The following YTHDC2 variants were observed in gnomAD, a reference collection of about 807,000 sequenced individuals.
The protein encoded by YTHDC2 is YTH N6-methyladenosine RNA binding protein C2, also known as 3'-5' RNA helicase YTHDC2.
A neutral mutation model predicts 174.9 loss-of-function variants in YTHDC2; 45 were observed. The ratio of observed to expected loss-of-function variants is 0.26; its 90% CI spans 0.20 to 0.33. YTHDC2 has a LOEUF of 0.33. Among genes scored for constraint, YTHDC2 ranks in the 10% least tolerant of loss-of-function variants. The probability of loss-of-function intolerance (pLI) is 1.00; values close to 1 mark genes in which losing one functional copy is unlikely to be tolerated. For missense variants in YTHDC2, 1,650 were observed against 1,723.7 expected, an observed-to-expected ratio of 0.96 and a Z score of 0.76; for synonymous variants, 657 against 574.5, an observed-to-expected ratio of 1.14 and a Z score of -2.05.
intron 10 of YTHDC2, among the ~76,000 whole-genome samples, chr5:113,543,545 T>C (rs1775630155): frequency 6.6e-6 from 1 of 152,216 alleles, no homozygotes; most frequent in Non-Finnish European, 1.5e-5. Context: ...CCGTTAACCA[T>C]TTCTGTTTTT....
intron 10 of YTHDC2, among the ~76,000 whole-genome samples, chr5:113,543,400 C>G (rs1026267335): frequency 6.6e-6 from 1 of 152,178 alleles, no homozygotes; most frequent in Non-Finnish European, 1.5e-5. Context: ...TTAGCAAATC[C>G]TATTTACTTT....
chr5:113,539,217 A>T (rs1278847697), intron 8 of YTHDC2, 36 bp downstream of exon 8: 16 of 927,226 alleles, frequency 1.7e-5, no homozygotes, highest in Non-Finnish European at 6.2e-6. Flanking sequence ...AAAAGAAATT[A>T]CTATTGATAA....
intron 2 of YTHDC2, among the ~76,000 whole-genome samples, chr5:113,516,993 A>G (rs1305723133): frequency 6.6e-6 from 1 of 152,206 alleles, no homozygotes; most frequent in Non-Finnish European, 1.5e-5. Context: ...TGCACCTGAA[A>G]ATAAAAATAT....
At chr5:113,552,240 T>G (rs989210886) in intron 12 of YTHDC2, among the ~76,000 whole-genome samples, 24 of 152,122 alleles carry the variant, frequency 1.6e-4, no homozygotes, top group African/African-American at 5.3e-4. Flanking sequence ...GTTTTTCATA[T>G]GTTCACAGAC....
chr5:113,546,265 A>G (rs1359608171), intron 10 of YTHDC2, among the ~76,000 whole-genome samples: 3 of 152,108 alleles, frequency 2.0e-5, no homozygotes, highest in African/African-American at 7.2e-5. Flanking sequence ...TTTCTTCCTG[A>G]TATTTCTTTA....
chr5:113,534,153 A>C (rs1774886836), intron 5 of YTHDC2, 152 bp from the exon 6 acceptor site: 2 of 496,462 alleles, frequency 4.0e-6, no homozygotes, highest in South Asian at 4.7e-5. Flanking sequence ...CATAACTGCA[A>C]AACCTCATAG....
intron 4 of YTHDC2, among the ~76,000 whole-genome samples, chr5:113,532,363 T>G (rs1774733392): frequency 6.6e-6 from 1 of 152,202 alleles, no homozygotes; most frequent in Non-Finnish European, 1.5e-5. Context: ...AGGTAAGATT[T>G]TGATTTTAAA....
At chr5:113,520,695 T>G (rs182323960) in intron 2 of YTHDC2, among the ~76,000 whole-genome samples, 4 of 152,338 alleles carry the variant, frequency 2.6e-5, no homozygotes, top group African/African-American at 9.6e-5. Flanking sequence ...CCAATGGTTC[T>G]TTCTTATACA....
intron 18 of YTHDC2, among the ~76,000 whole-genome samples, chr5:113,561,953 TGTGG>T (rs879387972): frequency 3.0e-5 from 4 of 132,732 alleles, no homozygotes; most frequent in East Asian, 2.2e-4. Flanking sequence ...CTCTATTAAT[TGTGG>T]GTGTGTGTGT....
chr5:113,558,839 T>C (rs1198949691), intron 17 of YTHDC2, among the ~76,000 whole-genome samples: 13 of 151,330 alleles, frequency 8.6e-5, no homozygotes. Flanking sequence ...GGAGAATCGC[T>C]TGAACCTGGG....
At chr5:113,574,957 C>G (rs1777951037) in intron 23 of YTHDC2, among the ~76,000 whole-genome samples, 1 of 152,214 alleles carries the variant, frequency 6.6e-6, no homozygotes, top group African/African-American at 2.4e-5. Context: ...TAATCACTCA[C>G]TGCTTCCCTT....
intron 18 of YTHDC2, among the ~76,000 whole-genome samples, chr5:113,562,917 A>G (rs1226543089): frequency 1.3e-5 from 2 of 152,192 alleles, no homozygotes; most frequent in East Asian, 3.8e-4. Context: ...CTGCTTATTC[A>G]TATTACAGTG....
At chr5:113,519,717 GTGT>G (rs1173619357) in intron 2 of YTHDC2, among the ~76,000 whole-genome samples, 1 of 152,094 alleles carries the variant, frequency 6.6e-6, no homozygotes, top group African/African-American at 2.4e-5. Flanking sequence ...CATTTACTAA[GTGT>G]TGTTGTATAC....
At chr5:113,579,896 T>C (rs1015219824) in intron 24 of YTHDC2, 1 of 985,286 alleles carries the variant, frequency 1.0e-6, no homozygotes, top group Non-Finnish European at 1.2e-6. Context: ...AACCTAGTTG[T>C]GGCTCATTAT....
chr5:113,536,414 A>G (rs1425718504), intron 7 of YTHDC2, among the ~76,000 whole-genome samples: 3 of 152,156 alleles, frequency 2.0e-5, no homozygotes, highest in African/African-American at 4.8e-5. Flanking sequence ...AGTCCCAGCT[A>G]CTCGGGAGGC....
chr5:113,530,634 CAT>C (rs1448426054), intron 4 of YTHDC2, among the ~76,000 whole-genome samples: 4 of 151,954 alleles, frequency 2.6e-5, no homozygotes, highest in Admixed American at 6.6e-5. Context: ...TGTACACACA[CAT>C]AAGATATATA....
intron 18 of YTHDC2, among the ~76,000 whole-genome samples, chr5:113,561,996 G>T (rs1403442807): frequency 7.1e-6 from 1 of 139,884 alleles, no homozygotes; most frequent in East Asian, 2.1e-4. Flanking sequence ...GTGTGTGTGT[G>T]TGTTTTAAGT....
At chr5:113,584,536 T>C in intron 26 of YTHDC2, 57 bp downstream of exon 26, 1 of 1,360,884 alleles carries the variant, frequency 7.3e-7, no homozygotes. Context: ...CATGTAATCC[T>C]AGGTAAATAA....
chr5:113,520,242 T>G (rs1413840452), intron 2 of YTHDC2, among the ~76,000 whole-genome samples: 1 of 152,234 alleles, frequency 6.6e-6, no homozygotes, highest in Non-Finnish European at 1.5e-5. Flanking sequence ...ACTCTTTTTT[T>G]ATGGCTGCAC....
Sources: allele counts gnomAD v4.1 joint callset (sites outside exome capture counted in the v4.1 genomes callset), GRCh38; gene constraint gnomAD v4.1.1; transcripts MANE v1.5; gene names NCBI Gene and HGNC (gene_info 2026-07-23, HGNC 2026-07-21).